Variants in HTRA3 observed in about 807,000 individuals in gnomAD.
The protein encoded by HTRA3 is HtrA serine peptidase 3, also known as serine protease HTRA3.
HTRA3 carries 41 observed loss-of-function variants against 43.2 expected under a neutral mutation model. The observed-to-expected ratio is 0.95, with a 90% CI of 0.74 to 1.23. The LOEUF (loss-of-function observed/expected upper bound fraction) is 1.23, where lower values mean the gene tolerates loss of function less well. HTRA3 is among the 50% of genes most tolerant of loss of function. The pLI, the probability that HTRA3 is intolerant of heterozygous loss-of-function variation, is 0.00. For synonymous variants in HTRA3, 295 were observed against 287.9 expected, an observed-to-expected ratio of 1.02 and a Z score of -0.25; for missense variants, 628 against 647.1, an observed-to-expected ratio of 0.97 and a Z score of 0.32.
Position 8,279,864 on chromosome 4 carries a change from T to A in HTRA3, c.386-2573T>A, listed in dbSNP as rs111957663. On this transcript the variant is annotated intron_variant, in intron 1 of 8. Coordinates refer to ENST00000307358, the MANE Select transcript of HTRA3 (RefSeq NM_053044.5). The surrounding 1 kb of genome is among the most constrained non-coding windows in gnomAD (Gnocchi z 7.4). ...CTCTGCCTCATCCCTGGTGATGCTG[T>A]GCTGTCTCTGGTCGGTCACTGACTT... Among the ~76,000 whole-genome samples the A allele has an allele frequency of 1.3e-5, 2 of 152,324 alleles. No individual in the cohort carries two copies. Among genetic ancestry groups the A allele is most frequent in the African/African-American group, 4.8e-5 (2 of 41,572 alleles).
At chr4:8,293,922 A>G (rs1024376230) in intron 5 of HTRA3, among the ~76,000 whole-genome samples, 165 bp from the exon 6 acceptor site, 2 of 151,940 alleles carry the variant, frequency 1.3e-5, no homozygotes, top group Non-Finnish European at 2.9e-5. Context: ...AGGGTCACTG[A>G]CACAGGTGTG....
At chr4:8,281,264 T>G (rs751294673) in intron 1 of HTRA3, among the ~76,000 whole-genome samples, 24 of 152,178 alleles carry the variant, frequency 1.6e-4, no homozygotes, top group Non-Finnish European at 2.6e-4. Context: ...AGATTTTCCC[T>G]CGGTCCCCAT....
intron 8 of HTRA3, 151 bp downstream of exon 8, chr4:8,304,430 A>G: frequency 1.6e-6 from 1 of 623,884 alleles, no homozygotes. Flanking sequence ...AAGCCAGAGG[A>G]GGCTGGAGAG....
At chr4:8,300,833 T>C (rs1713613609) in intron 6 of HTRA3, among the ~76,000 whole-genome samples, 1 of 151,896 alleles carries the variant, frequency 6.6e-6, no homozygotes, top group Non-Finnish European at 1.5e-5. Flanking sequence ...CACACTCTTA[T>C]TAGATTCACA....
rs1713511149 is a variant in HTRA3 at position 8,297,934 on chromosome 4, G to C, written c.1051+3733G>C. Reference sequence around the variant, plus strand: ...CTGCCGTCCCCACTGAGTTATGTCAGCCTTGTCCCTCTGTCCCTCTGTCCC... The same window carrying C: ...CTGCCGTCCCCACTGAGTTATGTCACCCTTGTCCCTCTGTCCCTCTGTCCC... On this transcript the variant is annotated intron_variant, in intron 6 of 8. Coordinates refer to ENST00000307358, the MANE Select transcript of HTRA3 (RefSeq NM_053044.5). The surrounding 1 kb of genome is among the most constrained non-coding windows in gnomAD (Gnocchi z 5.8). Among the ~76,000 whole-genome samples the C allele has an allele frequency of 6.6e-6, 1 of 152,140 alleles. No homozygotes were observed. Among genetic ancestry groups the C allele is most frequent in the Admixed American group, 6.5e-5 (1 of 15,278 alleles).
chr4:8,299,168 G>GT, intron 6 of HTRA3, among the ~76,000 whole-genome samples: 1 of 152,222 alleles, frequency 6.6e-6, no homozygotes, highest in Admixed American at 6.5e-5. Flanking sequence ...TCTCTGCAAT[G>GT]TTTTATAGTT....
intron 2 of HTRA3, among the ~76,000 whole-genome samples, chr4:8,284,246 C>T (rs182212571): frequency 3.2e-4 from 48 of 152,326 alleles, no homozygotes; most frequent in East Asian, 2.1e-3. Context: ...CCTCGAGCCC[C>T]GGGCCCTGAG....
At chr4:8,274,946 TA>T (rs1712458761) in intron 1 of HTRA3, among the ~76,000 whole-genome samples, 1 of 152,216 alleles carries the variant, frequency 6.6e-6, no homozygotes, top group South Asian at 2.1e-4. Flanking sequence ...TTTTGATTTG[TA>T]ATCCTCTTAG....
chr4:8,302,815 T>A (rs1485395145), intron 7 of HTRA3, among the ~76,000 whole-genome samples: 1 of 152,232 alleles, frequency 6.6e-6, no homozygotes, highest in Non-Finnish European at 1.5e-5. Context: ...AGGTCGGGGA[T>A]CTGAAGTCAA....
chr4:8,289,356 G>A (rs1383366519), intron 3 of HTRA3, among the ~76,000 whole-genome samples: 1 of 152,226 alleles, frequency 6.6e-6, no homozygotes, highest in African/African-American at 2.4e-5. Flanking sequence ...GCCTTAGGCT[G>A]CACAGGTGGG....
rs1321653880 is a variant in HTRA3, at chr4:8,292,407, G to A, written c.936+54G>A. ...CAGGTTTCTGGGGTTCTTCTCACATGGGGGTGCTCAGCCTTGAGGTGGGAC... is the reference window on the plus strand; with the variant it reads ...CAGGTTTCTGGGGTTCTTCTCACATAGGGGTGCTCAGCCTTGAGGTGGGAC... On this transcript the variant is annotated intron_variant, in intron 5 of 8. Transcript: ENST00000307358. 13 of 1,486,888 alleles carry A rather than the reference G, an allele frequency of 8.7e-6. No individual in the cohort carries two copies. In the South Asian group the frequency reaches 1.1e-4, roughly 13 times the overall value. The allele number at this position is 1,486,888 out of a possible 1,614,324, so 92.1% of individuals were successfully genotyped here.
At chr4:8,288,895 G>T (rs7375908) in intron 3 of HTRA3, among the ~76,000 whole-genome samples, 49,685 of 97,398 alleles carry the variant, frequency 0.51, 11,540 homozygotes, top group African/African-American at 0.68. Context: ...CCTTCCTTCC[G>T]TCCGTCCTTC....
chr4:8,293,826 G>A (rs1327898562), intron 5 of HTRA3, among the ~76,000 whole-genome samples: 6 of 152,164 alleles, frequency 3.9e-5, no homozygotes, highest in African/African-American at 7.2e-5. Flanking sequence ...AGAGTGGCCA[G>A]AGCCTGGGGG....
rs1560136068 is a variant in HTRA3, at chr4:8,282,493, G to A, written c.442G>A (p.Glu148Lys). Residue 148 changes from glutamate to lysine, a missense_variant, in exon 2 of 9, where the codon GAG (glutamate) becomes AAG (lysine). Glu to Lys is a moderately conservative substitution (Grantham distance 56). Coordinates refer to ENST00000307358, the MANE Select transcript of HTRA3 (RefSeq NM_053044.5). ...GTTCAACTTCATTGCTGACGTGGTG[G>A]AGAAGATCGCACCAGCCGTGGTCCA... ...YKFNFIADVVEKIAPAVVHIE... is the reference protein window; with the variant it reads ...YKFNFIADVVKKIAPAVVHIE... The A allele has an allele frequency of 6.2e-7, 1 of 1,614,142 alleles. No homozygotes were observed. Among genetic ancestry groups the A allele is most frequent in the Admixed American group, 1.7e-5 (1 of 60,014 alleles).
At chr4:8,294,293 C>T (rs1333260842) in intron 6 of HTRA3, 92 bp downstream of exon 6, 44 of 908,164 alleles carry the variant, frequency 4.8e-5, no homozygotes, top group East Asian at 1.1e-4. Flanking sequence ...CAAGGCCCAC[C>T]GGAGGTGCTG....
chr4:8,298,936 T>C (rs1713550981), intron 6 of HTRA3, among the ~76,000 whole-genome samples: 1 of 152,230 alleles, frequency 6.6e-6, no homozygotes. Context: ...TTCTTCCTTT[T>C]CCAAGTTGTG....
rs762541922 is a variant in HTRA3 at position 8,295,940 on chromosome 4, G to C, written c.1051+1739G>C. 16 of 1,223,192 alleles carry C rather than the reference G, an allele frequency of 1.3e-5. No individual in the cohort carries two copies. The highest frequency in any genetic ancestry group is 1.6e-5 in the Non-Finnish European group (16 of 981,676). The allele number at this position is 1,223,192 out of a possible 1,614,324, so 75.8% of individuals were successfully genotyped here. The stretch of plus-strand genomic sequence containing the variant: ...TGAAGTCTTCTTCTCTTGAACAGTG[G>C]GGACCATCTAATCTCTTGAGCCCTT... On this transcript the variant is annotated intron_variant, in intron 6 of 8. Transcript: ENST00000307358. The surrounding 1 kb of genome is among the most constrained non-coding windows in gnomAD (Gnocchi z 6.9).
intron 6 of HTRA3, among the ~76,000 whole-genome samples, chr4:8,294,746 C>A (rs1420890827): frequency 1.3e-5 from 2 of 149,614 alleles, no homozygotes; most frequent in African/African-American, 4.9e-5. Flanking sequence ...ATCCACCCAC[C>A]CATCTTTCCA....
At position 8,269,908 on chromosome 4, in the gene HTRA3, G is replaced by C; in HGVS notation, c.-61G>C. ...CGGCGCCCGGCCCCGCAGCGGCCTC[G>C]TTGTCCCCGCCGGCCCCCGCCCGGT... On this transcript the variant is annotated 5_prime_UTR_variant, in exon 1 of 9. Transcript: ENST00000307358. 1 of 861,462 alleles carries C rather than the reference G, an allele frequency of 1.2e-6. No homozygotes were observed. The allele number at this position is 861,462 out of a possible 1,614,324, so 53.4% of individuals were successfully genotyped here.
Sources: allele counts gnomAD v4.1 joint callset (sites outside exome capture counted in the v4.1 genomes callset), GRCh38; gene constraint gnomAD v4.1.1; non-coding constraint Gnocchi (gnomAD v3.1); transcripts MANE v1.5; gene names NCBI Gene and HGNC (gene_info 2026-07-23, HGNC 2026-07-21).